The following TLE4 variants were observed in gnomAD, a reference collection of about 807,000 sequenced individuals.
TLE4 encodes the protein transducin-like enhancer protein 4.
In TLE4, 8 loss-of-function variants were observed where a neutral mutation model predicts 92.8. The ratio of observed to expected loss-of-function variants is 0.09; its 90% confidence interval spans 0.05 to 0.16. The LOEUF is 0.16. Among genes scored for constraint, TLE4 ranks in the 10% least tolerant of loss-of-function variants. TLE4 has a pLI of 1.00. For missense variants in TLE4, 675 were observed against 997.6 expected, an observed-to-expected ratio of 0.68 and a Z score of 4.36; for synonymous variants, 371 against 374.1, an observed-to-expected ratio of 0.99 and a Z score of 0.10.
intron 5 of TLE4, among the ~76,000 whole-genome samples, chr9:79,615,022 T>C (rs977812484): frequency 1.2e-4 from 18 of 152,200 alleles, no homozygotes; most frequent in African/African-American, 4.1e-4. Context: ...TCCTAAGGTA[T>C]GTGTGTATCT....
intron 8 of TLE4, among the ~76,000 whole-genome samples, chr9:79,676,476 C>CAG (rs1463740753): frequency 1.3e-5 from 2 of 152,096 alleles, no homozygotes; most frequent in Non-Finnish European, 2.9e-5. Flanking sequence ...GACTGCCACC[C>CAG]AACTAAGGTA....
chr9:79,680,433 T>C (rs567912889), intron 8 of TLE4, among the ~76,000 whole-genome samples: 1,776 of 146,908 alleles, frequency 0.012, no homozygotes, highest in Admixed American at 0.031. Flanking sequence ...TGTTTGTCTG[T>C]TATTGGTGTA....
intron 8 of TLE4, chr9:79,671,114 T>C: frequency 3.1e-6 from 1 of 326,004 alleles, no homozygotes; most frequent in South Asian, 2.4e-5. Context: ...GAATTAACTT[T>C]AGCTGATCCT....
intron 6 of TLE4, among the ~76,000 whole-genome samples, chr9:79,631,034 TA>T (rs2054044044): frequency 1.3e-5 from 2 of 152,220 alleles, no homozygotes; most frequent in Middle Eastern, 3.4e-3. Flanking sequence ...CCATCCCCAA[TA>T]AACCCTTAGG....
chr9:79,596,511 A>G (rs1052452794), intron 4 of TLE4, among the ~76,000 whole-genome samples: 12 of 152,186 alleles, frequency 7.9e-5, no homozygotes, highest in African/African-American at 2.9e-4. Flanking sequence ...GTCTTCTGCC[A>G]CTGTACCAGT....
chr9:79,697,909 A>G (rs997426762), intron 8 of TLE4, among the ~76,000 whole-genome samples: 1 of 152,170 alleles, frequency 6.6e-6, no homozygotes, highest in African/African-American at 2.4e-5. Context: ...TCATTCTTCA[A>G]GGTGTGTATT....
chr9:79,720,420 GTGTGTA>G lies in TLE4; in HGVS notation c.1838+128_1838+133del, dbSNP rs1390670811. 31 of 964,412 alleles carry G rather than the reference GTGTGTA, an allele frequency of 3.2e-5. No individual in the cohort carries two copies. In the African/African-American group the frequency reaches 5.1e-4, roughly 16 times the overall value. The allele number at this position is 964,412 out of a possible 1,614,324, so 59.7% of individuals were successfully genotyped here. A position where few individuals can be genotyped will look rare whatever the true frequency, so the allele number is the denominator to read the frequency against. ...TGTGTGTGTGTGTGTGTGTGTGTGT[GTGTGTA>G]AAGTGATATAATTATCTTACTAAAA... On this transcript the variant is annotated intron_variant, in intron 16 of 19. Coordinates refer to ENST00000376552, the MANE Select transcript of TLE4 (RefSeq NM_007005.6).
intron 4 of TLE4, among the ~76,000 whole-genome samples, chr9:79,579,660 GTA>G (rs2039061735): frequency 6.6e-6 from 1 of 152,018 alleles, no homozygotes; most frequent in South Asian, 2.1e-4. Flanking sequence ...ATATGTGTGT[GTA>G]TTTGTGTGTG....
chr9:79,701,624 C>T (rs1035508578), intron 8 of TLE4, among the ~76,000 whole-genome samples: 1 of 152,044 alleles, frequency 6.6e-6, no homozygotes, highest in Non-Finnish European at 1.5e-5. Context: ...AGTAAAGGAG[C>T]AAAGGTGAGG....
At chr9:79,716,345 G>T (rs1274226448) in intron 14 of TLE4, among the ~76,000 whole-genome samples, 2 of 152,190 alleles carry the variant, frequency 1.3e-5, no homozygotes, top group Non-Finnish European at 2.9e-5. Context: ...CGCATATGCT[G>T]CCTCTTCAGA....
At chr9:79,703,069 A>C (rs898633338) in intron 8 of TLE4, among the ~76,000 whole-genome samples, 1 of 152,062 alleles carries the variant, frequency 6.6e-6, no homozygotes, top group Non-Finnish European at 1.5e-5. Flanking sequence ...AAAAAAAAAA[A>C]CCCGTTCAAA....
chr9:79,644,757 C>T (rs2057813079), intron 6 of TLE4, among the ~76,000 whole-genome samples: 1 of 152,212 alleles, frequency 6.6e-6, no homozygotes, highest in Non-Finnish European at 1.5e-5. Flanking sequence ...AGTCTGTTGC[C>T]TCTTCCTTTT....
At chr9:79,603,519 G>T (rs2046131465) in intron 4 of TLE4, among the ~76,000 whole-genome samples, 1 of 151,726 alleles carries the variant, frequency 6.6e-6, no homozygotes, top group Non-Finnish European at 1.5e-5. Flanking sequence ...TTGTGTGTGT[G>T]TTTTTTTTAA....
intron 5 of TLE4, among the ~76,000 whole-genome samples, chr9:79,622,511 A>C (rs1284130398): frequency 1.3e-5 from 2 of 152,122 alleles, no homozygotes; most frequent in Non-Finnish European, 2.9e-5. Context: ...CCTAGCCCCA[A>C]TATTAGATTA....
chr9:79,592,483 C>T (rs1429966418), intron 4 of TLE4, among the ~76,000 whole-genome samples: 2 of 151,832 alleles, frequency 1.3e-5, no homozygotes, highest in African/African-American at 2.4e-5. Context: ...GCCTTGTTGC[C>T]CAGGCTAATC....
At chr9:79,583,844 A>C (rs1047741129) in intron 4 of TLE4, among the ~76,000 whole-genome samples, 1 of 152,122 alleles carries the variant, frequency 6.6e-6, no homozygotes, top group Non-Finnish European at 1.5e-5. Flanking sequence ...TGTTCTCTTT[A>C]ATGTTCCTTA....
chr9:79,723,977 C>T (rs572889634), intron 19 of TLE4, among the ~76,000 whole-genome samples: 12 of 152,178 alleles, frequency 7.9e-5, no homozygotes, highest in Non-Finnish European at 1.8e-4. Context: ...TGGTTAAAAT[C>T]CTGTGTTGTT....
In TLE4 at chr9:79,720,377, GGTGTGTGT is replaced by G. The variant is rs71364488; in HGVS notation, c.1838+125_1838+132del. The G allele has an allele frequency of 9.0e-3, 2,850 of 315,002 alleles. 4 individuals are homozygous for G. Among genetic ancestry groups the G allele is most frequent in the East Asian group, 0.012 (199 of 16,536 alleles). The allele number at this position is 315,002 out of a possible 1,614,324, so 19.5% of individuals were successfully genotyped here. On this transcript the variant is annotated intron_variant, in intron 16 of 19. Transcript: ENST00000376552. ...CCAAAGTGCTGTGTATATAGGTATG[GGTGTGTGT>G]GTGTGTGTGTGTGTGTGTGTGTGTG...
chr9:79,682,392 G>A (rs1245134226), intron 8 of TLE4, among the ~76,000 whole-genome samples: 1 of 152,104 alleles, frequency 6.6e-6, no homozygotes, highest in Non-Finnish European at 1.5e-5. Context: ...AAGCACATCT[G>A]GCCCTCAAGG....
Sources: allele counts gnomAD v4.1 joint callset (sites outside exome capture counted in the v4.1 genomes callset), GRCh38; gene constraint gnomAD v4.1.1; transcripts MANE v1.5; gene names NCBI Gene and HGNC (gene_info 2026-07-23, HGNC 2026-07-21).